RASEF: variants seen among roughly 807,000 people sequenced by gnomAD.
RASEF encodes RAS and EF-hand domain containing, also known as ras and EF-hand domain-containing protein.
RASEF carries 68 observed loss-of-function variants against 90.1 expected under a neutral mutation model. The observed-to-expected ratio is 0.75, with a 90% CI of 0.62 to 0.92. The LOEUF (loss-of-function observed/expected upper bound fraction) is 0.92. Ranked by LOEUF, RASEF falls within the 40% of genes least tolerant of loss-of-function variation. The pLI is 0.00. For synonymous variants in RASEF, 331 were observed against 345.2 expected (o/e 0.96, Z 0.46); for missense variants, 949 against 937.2 (o/e 1.01, Z -0.16).
the RASEF span, among the ~76,000 whole-genome samples, chr9:83,203,636 T>C: frequency 1.3e-5 from 2 of 151,936 alleles, no homozygotes; most frequent in Non-Finnish European, 2.9e-5. Flanking sequence ...TGAGAGAAAA[T>C]AGGTAAGTAG....
chr9:83,103,471 A>C, the RASEF span, among the ~76,000 whole-genome samples: 7 of 152,182 alleles, frequency 4.6e-5, no homozygotes, highest in Non-Finnish European at 8.8e-5. Context: ...TATTCCAGCA[A>C]ATGGACAAAA....
the RASEF span, among the ~76,000 whole-genome samples, chr9:83,095,085 A>G: frequency 1.3e-5 from 2 of 152,156 alleles, no homozygotes; most frequent in African/African-American, 2.4e-5. Flanking sequence ...ATTTAAAAGG[A>G]GATGCTACCT....
intron 1 of RASEF, chr9:83,055,826 G>A (rs1830093075): frequency 5.1e-6 from 3 of 583,094 alleles, no homozygotes; most frequent in South Asian, 2.0e-5. Context: ...GACCCCGAAG[G>A]GTCTATGGCT....
chr9:83,206,948 G>A, the RASEF span, among the ~76,000 whole-genome samples: 3 of 151,992 alleles, frequency 2.0e-5, no homozygotes, highest in Non-Finnish European at 4.4e-5. Context: ...GCGTCTTCCC[G>A]TCTAGGCCGG....
chr9:83,049,690 C>T (rs1241066999), intron 1 of RASEF, among the ~76,000 whole-genome samples: 1 of 139,006 alleles, frequency 7.2e-6, no homozygotes, highest in Non-Finnish European at 1.5e-5. Flanking sequence ...TCCCTTCCCC[C>T]CTCCCCCGAC....
chr9:83,151,723 A>T, the RASEF span, among the ~76,000 whole-genome samples: 1 of 152,170 alleles, frequency 6.6e-6, no homozygotes, highest in African/African-American at 2.4e-5. Context: ...AGAAGACATC[A>T]TCCTTCCTAA....
chr9:83,079,265 C>G, the RASEF span, among the ~76,000 whole-genome samples: 1 of 152,272 alleles, frequency 6.6e-6, no homozygotes, highest in South Asian at 2.1e-4. Context: ...TAATCTTCTG[C>G]ATATGACTAG....
intron 1 of RASEF, among the ~76,000 whole-genome samples, chr9:83,041,200 G>A (rs1829835078): frequency 6.6e-6 from 1 of 152,136 alleles, no homozygotes; most frequent in African/African-American, 2.4e-5. Flanking sequence ...GGTTACATTA[G>A]TTTTCTATGA....
intron 16 of RASEF, among the ~76,000 whole-genome samples, chr9:82,988,809 G>A (rs931682706): frequency 1.3e-5 from 2 of 152,128 alleles, no homozygotes; most frequent in African/African-American, 4.8e-5. Flanking sequence ...AGAACCATGA[G>A]CCAATTGAAC....
At chr9:83,181,820 A>C in the RASEF span, among the ~76,000 whole-genome samples, 1 of 152,224 alleles carries the variant, frequency 6.6e-6, no homozygotes, top group African/African-American at 2.4e-5. Flanking sequence ...TAGGGAGTAA[A>C]TAAGTAGAAA....
chr9:83,055,534 C>G lies in RASEF; in HGVS notation c.431+6903G>C, dbSNP rs185424469. The G allele has an allele frequency of 7.8e-3, 5,536 of 711,316 alleles. 34 individuals are homozygous for G. Among genetic ancestry groups the G allele is most frequent in the Non-Finnish European group, 0.01 (3,888 of 384,336 alleles). 44.1% of individuals were successfully genotyped at this position (711,316 alleles called of 1,614,324 possible). On this transcript the variant is annotated intron_variant, in intron 1 of 16. Transcript: ENST00000376447. ...GTCGCTCACGCTGGGAGCTGTAGAC[C>G]GGAGCTGTTCCTATTCGGCCATCTT...
At chr9:83,038,358 GTCT>G (rs1433596277) in intron 1 of RASEF, among the ~76,000 whole-genome samples, 1 of 136,676 alleles carries the variant, frequency 7.3e-6, no homozygotes, top group Admixed American at 7.2e-5. Context: ...ACTTGAGAGT[GTCT>G]TCTTAATTAA....
At chr9:83,181,023 G>A in the RASEF span, among the ~76,000 whole-genome samples, 3 of 151,430 alleles carry the variant, frequency 2.0e-5, no homozygotes, top group African/African-American at 7.3e-5. Context: ...TTTGCCCTGG[G>A]ATGGTTCCTG....
chr9:83,104,874 A>T, the RASEF span, among the ~76,000 whole-genome samples: 1 of 152,214 alleles, frequency 6.6e-6, no homozygotes, highest in African/African-American at 2.4e-5. Context: ...TACGGGTCAC[A>T]TTATTTAGCA....
the RASEF span, among the ~76,000 whole-genome samples, chr9:83,156,333 G>T: frequency 2.4e-4 from 36 of 152,122 alleles, no homozygotes; most frequent in Non-Finnish European, 5.0e-4. Flanking sequence ...TGAATATTCT[G>T]GTTCTCTGAA....
At chr9:83,068,313 T>A in the RASEF span, among the ~76,000 whole-genome samples, 23 of 152,230 alleles carry the variant, frequency 1.5e-4, no homozygotes, top group African/African-American at 5.3e-4. Flanking sequence ...CACCCCTTGG[T>A]GTACATGCTC....
At chr9:83,115,943 G>A in the RASEF span, among the ~76,000 whole-genome samples, 1 of 151,656 alleles carries the variant, frequency 6.6e-6, no homozygotes, top group Non-Finnish European at 1.5e-5. Flanking sequence ...TTAAAACCAT[G>A]TCTATCTAAA....
At chr9:83,082,567 A>AT in the RASEF span, among the ~76,000 whole-genome samples, 2,651 of 152,276 alleles carry the variant, frequency 0.017, 67 homozygotes, top group African/African-American at 0.06. Flanking sequence ...TACAACAACA[A>AT]TTTTTTATCC....
the RASEF span, among the ~76,000 whole-genome samples, chr9:83,068,829 GT>G: frequency 6.6e-6 from 1 of 152,192 alleles, no homozygotes; most frequent in Non-Finnish European, 1.5e-5. Context: ...GGGGAAGGAG[GT>G]AAGTGTTAAA....
Sources: allele counts gnomAD v4.1 joint callset (sites outside exome capture counted in the v4.1 genomes callset), GRCh38; gene constraint gnomAD v4.1.1; transcripts MANE v1.5; gene names NCBI Gene and HGNC (gene_info 2026-07-23, HGNC 2026-07-21).